The following EPC2 variants were observed in gnomAD, a reference collection of about 807,000 sequenced individuals.
EPC2 encodes the protein enhancer of polycomb homolog 2.
In EPC2, 14 loss-of-function variants were observed where a neutral mutation model predicts 92.1. The observed-to-expected ratio is 0.15, with a 90% CI of 0.10 to 0.24. The LOEUF (loss-of-function observed/expected upper bound fraction) is 0.24, where lower values mean the gene tolerates loss of function less well. Ranked by LOEUF, EPC2 falls within the 10% of genes least tolerant of loss-of-function variation. The pLI, the probability that EPC2 is intolerant of heterozygous loss-of-function variation, is 1.00. For missense variants in EPC2, 755 were observed against 971.5 expected, an observed-to-expected ratio of 0.78 and a Z score of 2.96; for synonymous variants, 340 against 334.7, an observed-to-expected ratio of 1.02 and a Z score of -0.17.
intron 10 of EPC2, among the ~76,000 whole-genome samples, chr2:148,777,818 G>A (rs1185681252): frequency 6.6e-6 from 1 of 152,144 alleles, no homozygotes. Flanking sequence ...TTTATCTGAG[G>A]AATAAAAGTA....
intron 1 of EPC2, among the ~76,000 whole-genome samples, chr2:148,670,754 A>G (rs1302866845): frequency 6.6e-6 from 1 of 151,938 alleles, no homozygotes; most frequent in Non-Finnish European, 1.5e-5. Context: ...TCTGCTGCCC[A>G]GGCTAGAGTA....
intron 2 of EPC2, among the ~76,000 whole-genome samples, chr2:148,739,890 A>C (rs1259753738): frequency 8.3e-6 from 1 of 120,576 alleles, no homozygotes; most frequent in Non-Finnish European, 1.6e-5. Context: ...CACTACAGGA[A>C]GTCTTCCATG....
At chr2:148,692,071 T>G in intron 2 of EPC2, 1 of 315,990 alleles carries the variant, frequency 3.2e-6, no homozygotes, top group Non-Finnish European at 6.1e-6. Context: ...TTAACGTCAT[T>G]TATTTTTGCT....
In EPC2 at chr2:148,761,833, G is replaced by A; in HGVS notation, c.718G>A (p.Glu240Lys). 1 of 1,587,998 alleles carries A rather than the reference G, an allele frequency of 6.3e-7. No homozygotes were observed. The highest frequency in any genetic ancestry group is 8.6e-7 in the Non-Finnish European group (1 of 1,169,476). The change falls in exon 5 of 14, where the codon GAA (glutamate) becomes AAA (lysine). Residue 240 changes from glutamate to lysine, a missense_variant. Transcript: ENST00000258484. ...SYEKMLKLRR[E>K]FSRAITILEM... Reference sequence around the variant, plus strand: ...TGAAAAGATGTTGAAACTGAGACGAGAATTTAGTAGAGCCATAACAATTTT... The same window carrying A: ...TGAAAAGATGTTGAAACTGAGACGAAAATTTAGTAGAGCCATAACAATTTT...
intron 2 of EPC2, among the ~76,000 whole-genome samples, chr2:148,706,430 A>G (rs867055417): frequency 6.6e-6 from 1 of 152,316 alleles, no homozygotes; most frequent in Middle Eastern, 3.4e-3. Context: ...TCTTCAGGAT[A>G]TTATCCAGGA....
chr2:148,644,946 G>A lies in EPC2; in HGVS notation c.-72G>A. On this transcript the variant is annotated 5_prime_UTR_variant, in exon 1 of 14. Transcript: ENST00000258484. Reference sequence around the variant, plus strand: ...ACTGAGGAAGGAGGTGGAGGAGGCGGCGGGAGTCCTCCCCCCCTCCCCGCC... The same window carrying A: ...ACTGAGGAAGGAGGTGGAGGAGGCGACGGGAGTCCTCCCCCCCTCCCCGCC... The A allele has an allele frequency of 3.1e-6, 4 of 1,308,404 alleles. No individual in the cohort carries two copies. The highest frequency in any genetic ancestry group is 4.3e-6 in the Non-Finnish European group (4 of 935,550). 81.0% of individuals were successfully genotyped at this position (1,308,404 alleles called of 1,614,324 possible).
chr2:148,775,904 A>G (rs1428417486), intron 10 of EPC2, among the ~76,000 whole-genome samples: 4 of 150,424 alleles, frequency 2.7e-5, no homozygotes, highest in African/African-American at 9.8e-5. Context: ...CAGCCTCCCA[A>G]GTAGCTGGGA....
chr2:148,720,523 G>C (rs1244608110), intron 2 of EPC2, among the ~76,000 whole-genome samples: 1 of 152,218 alleles, frequency 6.6e-6, no homozygotes, highest in African/African-American at 2.4e-5. Flanking sequence ...TGGAGATCCC[G>C]GTACTGGAGT....
intron 10 of EPC2, among the ~76,000 whole-genome samples, chr2:148,773,783 T>C (rs964739314): frequency 2.7e-4 from 41 of 152,338 alleles, no homozygotes; most frequent in African/African-American, 9.6e-4. Flanking sequence ...TCTGGTTAGA[T>C]AATTTTAAGT....
chr2:148,696,952 C>G (rs1681759449), intron 2 of EPC2, among the ~76,000 whole-genome samples: 1 of 152,234 alleles, frequency 6.6e-6, no homozygotes, highest in East Asian at 1.9e-4. Flanking sequence ...ACTTTTCCTT[C>G]CACAGTTATG....
At chr2:148,696,599 TC>T (rs150541003) in intron 2 of EPC2, among the ~76,000 whole-genome samples, 1,720 of 152,282 alleles carry the variant, frequency 0.011, 34 homozygotes, top group African/African-American at 0.04. Flanking sequence ...GCAGTATTGG[TC>T]ATAAAGGGTG....
rs554874123 is a variant in EPC2, at chr2:148,778,997, A to G, written c.1721-2647A>G. On this transcript the variant is annotated intron_variant, in intron 10 of 13. Transcript: ENST00000258484. The stretch of plus-strand genomic sequence containing the variant: ...TATCAAAATCCACCTAGGTTTAAAA[A>G]GGTTAAGAAACACTGACCATTAATC... Among the ~76,000 whole-genome samples, 3 of 152,340 alleles carry G rather than the reference A, an allele frequency of 2.0e-5. No individual in the cohort carries two copies. The South Asian group carries it at 6.2e-4, about 32-fold the overall frequency.
intron 1 of EPC2, among the ~76,000 whole-genome samples, chr2:148,688,363 G>A (rs960266091): frequency 6.6e-6 from 1 of 151,878 alleles, no homozygotes. Flanking sequence ...TGAACAGTGA[G>A]AACACATGGA....
intron 11 of EPC2, 70 bp downstream of exon 11, chr2:148,781,850 C>G (rs1049322384): frequency 1.3e-6 from 2 of 1,570,234 alleles, no homozygotes; most frequent in Admixed American, 1.8e-5. Context: ...CCATTTTAGT[C>G]AAGTCACAGA....
rs199571347 is a variant in EPC2 at position 148,668,910 on chromosome 2, CCTTT to C, written c.154-21296_154-21293del. 8.9e-3 allele frequency among the ~76,000 whole-genome samples: 1,356 copies of C among 151,934 alleles called. 12 individuals carry two copies. Among genetic ancestry groups the C allele is most frequent in the Non-Finnish European group, 0.013 (870 of 67,916 alleles). On this transcript the variant is annotated intron_variant, in intron 1 of 13. Transcript: ENST00000258484. ...ATTGATTTCTACTATGATCTTATTT[CCTTT>C]CTTTCTTAGAGTTTATTTTGTTCTT...
At chr2:148,661,731 T>A (rs747939079) in intron 1 of EPC2, among the ~76,000 whole-genome samples, 40 of 152,304 alleles carry the variant, frequency 2.6e-4, no homozygotes, top group Non-Finnish European at 5.0e-4. Flanking sequence ...ATGTAAAAAT[T>A]CTGTAGTGTA....
At chr2:148,662,825 A>C (rs907475129) in intron 1 of EPC2, among the ~76,000 whole-genome samples, 39 of 151,200 alleles carry the variant, frequency 2.6e-4, no homozygotes, top group African/African-American at 8.5e-4. Flanking sequence ...AATAATAATA[A>C]AATTTTTTTA....
In EPC2 at chr2:148,645,118, T is replaced by G; in HGVS notation, c.101T>G (p.Ile34Ser). ...CCTGATCTCAACGACTGCGTCTCCA[T>G]CAACCGGGCCGTGCCCCAGATGCCC... is the stretch of plus-strand genomic sequence containing the variant. ...DMPDLNDCVS[I>S]NRAVPQMPTG... is the part of the protein sequence containing the mutation. Residue 34 changes from isoleucine (I) to serine (S), a missense_variant, in exon 1 of 14, where the codon ATC becomes AGC. Ile to Ser is a moderately radical substitution (Grantham distance 142, BLOSUM62 -2). This residue lies in a region of EPC2 where 36 missense variants were observed against 84.0 expected (regional missense o/e 0.43). Coordinates refer to ENST00000258484, the MANE Select transcript of EPC2 (RefSeq NM_015630.4). The G allele has an allele frequency of 6.2e-7, 1 of 1,608,158 alleles. No individual in the cohort carries two copies. Among genetic ancestry groups the G allele is most frequent in the Non-Finnish European group, 8.5e-7 (1 of 1,177,340 alleles).
rs532264660 is a variant in EPC2, at chr2:148,682,037, CAAAGG to C, written c.154-8173_154-8169del. On this transcript the variant is annotated intron_variant, in intron 1 of 13. Transcript: ENST00000258484. ...GTGTCCAGCTGCATCCATGTCCCAGCAAAGGAAATGAACTCATCCTTTTTTATGGC... is the reference window on the plus strand; with the variant it reads ...GTGTCCAGCTGCATCCATGTCCCAGCAAATGAACTCATCCTTTTTTATGGC... Among the ~76,000 whole-genome samples, 10 of 152,312 alleles carry C rather than the reference CAAAGG, an allele frequency of 6.6e-5. No homozygotes were observed. The South Asian group carries it at 2.1e-3, about 32-fold the overall frequency.
Sources: gnomAD v4.1 joint callset for allele counts (sites outside exome capture counted in the v4.1 genomes callset) on GRCh38, gnomAD v4.1.1 for gene constraint, gnomAD v4.1.1 regional missense constraint, MANE v1.5 for transcripts, NCBI Gene and HGNC (gene_info 2026-07-23, HGNC 2026-07-21) for gene names.